The following TRDN variants were observed in gnomAD, a reference collection of about 807,000 sequenced individuals.
The protein encoded by TRDN is triadin in skeletal muscle.
A neutral mutation model predicts 149.7 loss-of-function variants in TRDN; 161 were observed. The ratio of observed to expected loss-of-function variants is 1.08; its 90% confidence interval spans 0.95 to 1.23. The LOEUF (loss-of-function observed/expected upper bound fraction) is 1.23. TRDN is among the 50% of genes most tolerant of loss of function. The pLI is 0.00. For missense variants in TRDN, 896 were observed against 823.5 expected, an observed-to-expected ratio of 1.09 and a Z score of -1.08; for synonymous variants, 294 against 250.5, an observed-to-expected ratio of 1.17 and a Z score of -1.64.
intron 23 of TRDN, among the ~76,000 whole-genome samples, chr6:123,330,628 T>C (rs1382682463): frequency 6.6e-6 from 1 of 152,084 alleles, no homozygotes; most frequent in African/African-American, 2.4e-5. Flanking sequence ...TTTGAAGCTA[T>C]GTTGCTTTAA....
intron 21 of TRDN, among the ~76,000 whole-genome samples, chr6:123,344,205 G>A (rs1334164781): frequency 6.6e-6 from 1 of 151,954 alleles, no homozygotes; most frequent in Non-Finnish European, 1.5e-5. Flanking sequence ...GCACACTCAG[G>A]CTCCATCACT....
At chr6:123,528,992 T>G in intron 5 of TRDN, 1 of 1,281,514 alleles carries the variant, frequency 7.8e-7, no homozygotes, top group Middle Eastern at 3.1e-4. Context: ...CCAAATTCAC[T>G]GTCTTAATTA....
chr6:123,284,864 CAGCAGTGACCA>C (rs1222472621), intron 24 of TRDN, among the ~76,000 whole-genome samples: 1 of 151,988 alleles, frequency 6.6e-6, no homozygotes, highest in Non-Finnish European at 1.5e-5. Context: ...TGCTATATAC[CAGCAGTGACCA>C]AGCTGAGACT....
chr6:123,374,774 A>G (rs1310700596), intron 19 of TRDN, among the ~76,000 whole-genome samples: 1 of 152,064 alleles, frequency 6.6e-6, no homozygotes, highest in South Asian at 2.1e-4. Context: ...ACTCCATCAA[A>G]AAAAACAAAA....
intron 24 of TRDN, among the ~76,000 whole-genome samples, chr6:123,307,278 C>T (rs1194661605): frequency 6.6e-6 from 1 of 151,896 alleles, no homozygotes; most frequent in Non-Finnish European, 1.5e-5. Flanking sequence ...TTTTTTCTTC[C>T]TCTTAATTAA....
chr6:123,300,398 C>A (rs964347166), intron 24 of TRDN, among the ~76,000 whole-genome samples: 1 of 151,852 alleles, frequency 6.6e-6, no homozygotes. Context: ...ACACTGTTTA[C>A]AGTATATGCA....
intron 10 of TRDN, chr6:123,445,257 A>T (rs141149240): frequency 1.8e-4 from 28 of 152,318 alleles, no homozygotes; most frequent in African/African-American, 5.5e-4. Context: ...GGGAGAGTGT[A>T]TGTTAGACCT....
At chr6:123,314,500 C>T (rs1270967654) in intron 24 of TRDN, among the ~76,000 whole-genome samples, 1 of 151,988 alleles carries the variant, frequency 6.6e-6, no homozygotes, top group East Asian at 1.9e-4. Context: ...TAGGTATATA[C>T]CCAGAGGAAA....
intron 1 of TRDN, among the ~76,000 whole-genome samples, chr6:123,622,334 C>T (rs1487402981): frequency 1.5e-5 from 2 of 131,076 alleles, no homozygotes; most frequent in Non-Finnish European, 3.3e-5. Context: ...CACACACACA[C>T]ACACACACAC....
intron 23 of TRDN, among the ~76,000 whole-genome samples, chr6:123,326,809 A>C (rs188967752): frequency 5.9e-5 from 9 of 152,236 alleles, no homozygotes; most frequent in African/African-American, 2.2e-4. Context: ...ATAAATAGAA[A>C]CTGGCAAATT....
At chr6:123,409,656 C>T (rs1773349591) in intron 12 of TRDN, among the ~76,000 whole-genome samples, 1 of 151,452 alleles carries the variant, frequency 6.6e-6, no homozygotes, top group Non-Finnish European at 1.5e-5. Flanking sequence ...ACAAAATGTG[C>T]CTTGCTCTGT....
intron 16 of TRDN, 69 bp from the exon 17 acceptor site, chr6:123,377,967 T>C: frequency 8.5e-7 from 1 of 1,169,768 alleles, no homozygotes; most frequent in South Asian, 1.5e-5. Flanking sequence ...CCAACTTAAT[T>C]GTTTTAACAC....
chr6:123,308,146 G>A (rs73551226), intron 24 of TRDN, among the ~76,000 whole-genome samples: 12,697 of 151,974 alleles, frequency 0.084, 1,652 homozygotes, highest in African/African-American at 0.28. Context: ...ATTCACTTAG[G>A]ATAACGACTT....
intron 21 of TRDN, chr6:123,349,351 C>T (rs1780366968): frequency 1.7e-5 from 3 of 175,900 alleles, no homozygotes; most frequent in South Asian, 1.9e-4. Flanking sequence ...ACCATCTTCT[C>T]TCCGAAGCCC....
chr6:123,553,807 T>C (rs1781515627), intron 2 of TRDN, among the ~76,000 whole-genome samples: 1 of 152,132 alleles, frequency 6.6e-6, no homozygotes, highest in Non-Finnish European at 1.5e-5. Flanking sequence ...ACTGTCCCCA[T>C]TGATTCAATT....
chr6:123,394,192 A>T (rs1473449929), intron 12 of TRDN, among the ~76,000 whole-genome samples: 1 of 152,060 alleles, frequency 6.6e-6, no homozygotes, highest in Non-Finnish European at 1.5e-5. Context: ...GGCAAAATAT[A>T]TCCGAGAGAA....
chr6:123,495,692 G>C (rs1432974683), intron 9 of TRDN, among the ~76,000 whole-genome samples: 2 of 151,960 alleles, frequency 1.3e-5, no homozygotes, highest in Non-Finnish European at 2.9e-5. Flanking sequence ...GATATATATA[G>C]ACTGAAACTT....
chr6:123,565,571 G>C (rs1364701922), intron 2 of TRDN, among the ~76,000 whole-genome samples: 2 of 152,138 alleles, frequency 1.3e-5, no homozygotes, highest in African/African-American at 4.8e-5. Context: ...TATGTTTTCA[G>C]GTAACAGTTG....
intron 8 of TRDN, chr6:123,503,424 T>C: frequency 1.0e-6 from 1 of 985,336 alleles, no homozygotes; most frequent in South Asian, 4.7e-5. Flanking sequence ...ACATTCCATA[T>C]CTCAAAAATT....
Sources: gnomAD v4.1 joint callset for allele counts (sites outside exome capture counted in the v4.1 genomes callset) on GRCh38, gnomAD v4.1.1 for gene constraint, MANE v1.5 for transcripts, NCBI Gene and HGNC (gene_info 2026-07-23, HGNC 2026-07-21) for gene names.